GUCY1B1: variants seen among roughly 807,000 people sequenced by gnomAD.
GUCY1B1 encodes the protein guanylate cyclase 1 soluble subunit beta 1.
A neutral mutation model predicts 71.0 loss-of-function variants in GUCY1B1; 43 were observed. That is an observed-to-expected ratio of 0.61 (90% CI 0.47 to 0.78). The LOEUF (loss-of-function observed/expected upper bound fraction) is 0.78, where lower values mean the gene tolerates loss of function less well. Ranked by LOEUF, GUCY1B1 falls within the 30% of genes least tolerant of loss-of-function variation. GUCY1B1 has a pLI of 0.00. For synonymous variants in GUCY1B1, 266 were observed against 259.7 expected (o/e 1.02, Z -0.23); for missense variants, 535 against 754.1 (o/e 0.71, Z 3.40).
At chr4:155,759,567 G>T in intron 1 of GUCY1B1, 1 of 541,946 alleles carries the variant, frequency 1.8e-6, no homozygotes, top group Non-Finnish European at 3.2e-6. Context: ...AGATAGCGTG[G>T]GGGTGGGGCG....
intron 4 of GUCY1B1, among the ~76,000 whole-genome samples, chr4:155,788,039 G>T (rs1738915453): frequency 6.6e-6 from 1 of 152,028 alleles, no homozygotes; most frequent in Non-Finnish European, 1.5e-5. Flanking sequence ...TACTTGCTTG[G>T]TGTATTTGTT....
At chr4:155,797,253 A>G (rs1342197846) in intron 8 of GUCY1B1, among the ~76,000 whole-genome samples, 1 of 152,234 alleles carries the variant, frequency 6.6e-6, no homozygotes. Context: ...TGCATTATGT[A>G]GTAACACAGT....
At chr4:155,759,956 C>A in intron 2 of GUCY1B1, 96 bp downstream of exon 2, 3 of 863,332 alleles carry the variant, frequency 3.5e-6, no homozygotes, top group Non-Finnish European at 3.7e-6. Flanking sequence ...GGCCGGGTCG[C>A]GGGCGCGCAT....
chr4:155,785,240 GT>G, intron 4 of GUCY1B1: 1 of 1,126,388 alleles, frequency 8.9e-7, no homozygotes, highest in Non-Finnish European at 1.3e-6. Flanking sequence ...TATTTTTCCT[GT>G]TTTTTGATTT....
intron 4 of GUCY1B1, among the ~76,000 whole-genome samples, chr4:155,788,252 A>G (rs567185357): frequency 6.6e-6 from 1 of 152,346 alleles, no homozygotes; most frequent in East Asian, 1.9e-4. Flanking sequence ...GACAGAATTC[A>G]GTTCCATGCA....
intron 2 of GUCY1B1, 89 bp downstream of exon 2, chr4:155,759,949 C>A (rs1019870686): frequency 4.3e-6 from 4 of 929,400 alleles, no homozygotes; most frequent in Non-Finnish European, 5.1e-6. Context: ...GCCTGCTGGC[C>A]GGGTCGCGGG....
At chr4:155,788,287 CCT>C (rs1738932942) in intron 4 of GUCY1B1, among the ~76,000 whole-genome samples, 1 of 152,204 alleles carries the variant, frequency 6.6e-6, no homozygotes, top group African/African-American at 2.4e-5. Flanking sequence ...GACCCAGTTT[CCT>C]TGACTGTCAG....
At chr4:155,780,495 C>A (rs1362061084) in intron 4 of GUCY1B1, among the ~76,000 whole-genome samples, 2 of 152,206 alleles carry the variant, frequency 1.3e-5, no homozygotes, top group African/African-American at 4.8e-5. Flanking sequence ...TTTCATACTG[C>A]ATTATCATTC....
chr4:155,795,367 G>T lies in GUCY1B1; in HGVS notation c.753G>T (p.Leu251=). The T allele has an allele frequency of 6.2e-7, 1 of 1,607,432 alleles. No individual in the cohort carries two copies. ...PQLQPGNCSL[L]SVFSLVRPHI... is the part of the protein sequence containing the mutation. Reference sequence around the variant, plus strand: ...TCCAGCCTGGGAATTGCAGCCTTCTGTCTGTCTTCTCGCTGGTTCGTCCTC... The same window carrying T: ...TCCAGCCTGGGAATTGCAGCCTTCTTTCTGTCTTCTCGCTGGTTCGTCCTC... Residue 251 remains leucine (L), a synonymous_variant, in exon 7 of 14, where the codon CTG becomes CTT. Coordinates refer to ENST00000264424, the MANE Select transcript of GUCY1B1 (RefSeq NM_000857.5).
Position 155,802,173 on chromosome 4 carries a change from C to T in GUCY1B1, c.1176-169C>T. 3 of 1,432,058 alleles carry T rather than the reference C, an allele frequency of 2.1e-6. No individual in the cohort carries two copies. The highest frequency in any genetic ancestry group is 2.8e-6 in the Non-Finnish European group (3 of 1,086,658). 88.7% of individuals were successfully genotyped at this position (1,432,058 alleles called of 1,614,324 possible). A position where few individuals can be genotyped will look rare whatever the true frequency, so the allele number is the denominator to read the frequency against. ...AAATAATTTATGTTTTCTGTAAATC[C>T]TTGCTTATAAATACAGCTAATATTT... On this transcript the variant is annotated intron_variant, in intron 9 of 13. Transcript: ENST00000264424. The surrounding 1 kb of genome is among the most constrained non-coding windows in gnomAD (Gnocchi z 4.3).
chr4:155,762,450 G>A (rs1737063805), intron 2 of GUCY1B1, among the ~76,000 whole-genome samples: 1 of 151,950 alleles, frequency 6.6e-6, no homozygotes, highest in Non-Finnish European at 1.5e-5. Context: ...CTAGGAAATG[G>A]CCATCCATCC....
Position 155,789,763 on chromosome 4 carries a change from G to A in GUCY1B1, c.347G>A (p.Arg116His), listed in dbSNP as rs766645546. The A allele has an allele frequency of 1.2e-6, 2 of 1,610,844 alleles. No individual in the cohort carries two copies. The highest frequency in any genetic ancestry group is 8.5e-7 in the Non-Finnish European group (1 of 1,177,254). Residue 116 changes from arginine (R) to histidine (H), a missense_variant, in exon 5 of 14, where the codon CGT (arginine) becomes CAT (histidine). Transcript: ENST00000264424. Reference protein sequence around the residue: ...DHLATIYPGMRAPSFRCTDAE... With the variant: ...DHLATIYPGMHAPSFRCTDAE... ...CTTGCTACCATCTACCCAGGAATGC[G>A]TGCACCTTCCTTTAGGTGCACTGAT...
In GUCY1B1 at chr4:155,776,920, A is replaced by C. The variant is rs370857823; in HGVS notation, c.179-604A>C. Among the ~76,000 whole-genome samples, 9 of 152,338 alleles carry C rather than the reference A, an allele frequency of 5.9e-5. No individual in the cohort carries two copies. The East Asian group carries it at 1.2e-3, about 20-fold the overall frequency. On this transcript the variant is annotated intron_variant, in intron 3 of 13. Transcript: ENST00000264424. ...CTTTAAAATGGCCAAAATTAAGTAC[A>C]GGGTGAGTATCTCTTGTCTAAAACT...
chr4:155,760,346 A>G (rs1006903679), intron 2 of GUCY1B1, among the ~76,000 whole-genome samples: 1 of 152,208 alleles, frequency 6.6e-6, no homozygotes, highest in Non-Finnish European at 1.5e-5. Context: ...CTTGAGCAAC[A>G]GTGAATTAAG....
At chr4:155,804,559 C>T in intron 11 of GUCY1B1, 34 bp from the exon 12 acceptor site, 1 of 1,560,610 alleles carries the variant, frequency 6.4e-7, no homozygotes, top group Non-Finnish European at 8.7e-7. Context: ...TGTTAGTGAT[C>T]AAAATGATTG....
intron 2 of GUCY1B1, 35 bp from the exon 3 acceptor site, chr4:155,774,933 T>C (rs779855595): frequency 9.1e-7 from 1 of 1,094,962 alleles, no homozygotes; most frequent in Non-Finnish European, 1.4e-6. Context: ...TAACTTCAAC[T>C]TTTCTCTTCT....
intron 1 of GUCY1B1, chr4:155,759,371 C>T: frequency 1.8e-6 from 1 of 554,600 alleles, no homozygotes. Context: ...TTTGCCGCTC[C>T]ACACCGCAGC....
At position 155,789,731 on chromosome 4, in the gene GUCY1B1, C is replaced by T. The variant is rs367583649; in HGVS notation, c.315C>T (p.His105=). 99 of 1,601,268 alleles carry T rather than the reference C, an allele frequency of 6.2e-5. No homozygotes were observed. The highest frequency in any genetic ancestry group is 6.8e-5 in the Admixed American group (4 of 58,918). Residue 105 remains histidine (H), a synonymous_variant, in exon 5 of 14, where the codon CAC becomes CAT. Coordinates refer to ENST00000264424, the MANE Select transcript of GUCY1B1 (RefSeq NM_000857.5). ...REFLQNLDAL[H]DHLATIYPGM... ...TGCTGCAGAACCTTGATGCTCTGCACGACCACCTTGCTACCATCTACCCAG... is the reference window on the plus strand; with the variant it reads ...TGCTGCAGAACCTTGATGCTCTGCATGACCACCTTGCTACCATCTACCCAG...
At chr4:155,784,121 C>T (rs1738612800) in intron 4 of GUCY1B1, among the ~76,000 whole-genome samples, 1 of 151,742 alleles carries the variant, frequency 6.6e-6, no homozygotes, top group Non-Finnish European at 1.5e-5. Context: ...AAAATATTTC[C>T]TTGGAGAGGA....
Sources: allele counts gnomAD v4.1 joint callset (sites outside exome capture counted in the v4.1 genomes callset), GRCh38; gene constraint gnomAD v4.1.1; non-coding constraint Gnocchi (gnomAD v3.1); transcripts MANE v1.5; gene names NCBI Gene and HGNC (gene_info 2026-07-23, HGNC 2026-07-21).